Variants in DMD observed in about 807,000 individuals in gnomAD.
The protein encoded by DMD is dystrophin.
Under a neutral mutation model 330.1 loss-of-function variants are expected in DMD, and 63 were observed. The ratio of observed to expected loss-of-function variants is 0.19; its 90% CI spans 0.16 to 0.24. DMD has a LOEUF of 0.24. DMD is among the 10% of genes least tolerant of loss of function. The pLI is 1.00. For synonymous variants in DMD, 1,223 were observed against 959.8 expected (o/e 1.27, Z -5.07); for missense variants, 3,344 against 2,684.1 (o/e 1.25, Z -5.43).
chrX:33,118,196 C>T (rs933458777), intron 1 of DMD, among the ~76,000 whole-genome samples: 3 of 105,839 alleles, frequency 2.8e-5, no homozygotes, highest in African/African-American at 6.9e-5. Flanking sequence ...CTGCAAGCTC[C>T]GCCTCCCGGG....
intron 2 of DMD, among the ~76,000 whole-genome samples, chrX:32,870,367 A>T (rs1353151397): frequency 8.9e-6 from 1 of 111,865 alleles, no homozygotes; most frequent in Non-Finnish European, 1.9e-5. Context: ...TAATTTATAG[A>T]TTCAATGCTA....
intron 7 of DMD, among the ~76,000 whole-genome samples, chrX:32,737,141 G>C (rs765907745): frequency 1.8e-5 from 2 of 108,391 alleles, no homozygotes; most frequent in African/African-American, 6.7e-5. Flanking sequence ...AACAACAAAA[G>C]GGGGGGGACA....
intron 19 of DMD, among the ~76,000 whole-genome samples, chrX:32,499,429 G>A (rs2043821414): frequency 9.0e-6 from 1 of 111,048 alleles, no homozygotes; most frequent in African/African-American, 3.3e-5. Context: ...AATATGAGTG[G>A]TTTATACAAG....
At chrX:31,999,650 A>G (rs2095612192) in intron 44 of DMD, among the ~76,000 whole-genome samples, 1 of 111,983 alleles carries the variant, frequency 8.9e-6, no homozygotes, top group Non-Finnish European at 1.9e-5. Context: ...TTACTGCAAA[A>G]GGAAAGAATT....
chrX:31,736,557 T>A (rs551120709), intron 51 of DMD, among the ~76,000 whole-genome samples: 1 of 112,008 alleles, frequency 8.9e-6, no homozygotes, highest in Non-Finnish European at 1.9e-5. Flanking sequence ...AAACAACTAA[T>A]AATTTGTTTT....
intron 17 of DMD, among the ~76,000 whole-genome samples, chrX:32,518,905 TAATA>T (rs2046134325): frequency 9.3e-6 from 1 of 107,142 alleles, no homozygotes; most frequent in African/African-American, 3.4e-5. Context: ...TTAGGAGAAA[TAATA>T]AATAGGTGCT....
intron 21 of DMD, among the ~76,000 whole-genome samples, chrX:32,475,800 G>T (rs976883505): frequency 9.1e-6 from 1 of 110,394 alleles, no homozygotes; most frequent in Non-Finnish European, 1.9e-5. Flanking sequence ...GGTTTTGAAG[G>T]TAAATGATCA....
chrX:31,569,653 T>TATATACGC (rs1344127291), intron 55 of DMD, among the ~76,000 whole-genome samples: 4 of 71,949 alleles, frequency 5.6e-5, no homozygotes, highest in African/African-American at 2.0e-4. Flanking sequence ...TATATACGTA[T>TATATACGC]ATATACGTAT....
intron 53 of DMD, among the ~76,000 whole-genome samples, chrX:31,668,967 C>T (rs2081589167): frequency 8.9e-6 from 1 of 112,431 alleles, no homozygotes; most frequent in African/African-American, 3.2e-5. Flanking sequence ...GAATAATACT[C>T]CATTGTGTAT....
At chrX:33,063,708 A>T (rs1305162325) in intron 1 of DMD, among the ~76,000 whole-genome samples, 1 of 111,049 alleles carries the variant, frequency 9.0e-6, no homozygotes, top group Non-Finnish European at 1.9e-5. Flanking sequence ...ACTACACATC[A>T]GAACCACCTA....
In DMD at chrX:32,538,266, G is replaced by C. The variant is rs778538514; in HGVS notation, c.2168+6893C>G. On this transcript the variant is annotated intron_variant, in intron 17 of 78. Coordinates refer to ENST00000357033, the MANE Select transcript of DMD (RefSeq NM_004006.3). The stretch of plus-strand genomic sequence containing the variant: ...AATCACAAAAGAAGTGAAAATGCCC[G>C]GTTGCTGCCTTAACTGATGACATTC... Among the ~76,000 whole-genome samples the C allele has an allele frequency of 3.7e-3, 417 of 111,710 alleles. 4 individuals are homozygous for C. Among genetic ancestry groups the C allele is most frequent in the African/African-American group, 0.013 (397 of 30,738 alleles).
chrX:33,035,363 C>T (rs2094187414), intron 1 of DMD, among the ~76,000 whole-genome samples: 1 of 111,043 alleles, frequency 9.0e-6, no homozygotes, highest in African/African-American at 3.3e-5. Context: ...CTTATCTGGC[C>T]TAGGGAATAA....
chrX:33,051,646 A>AT (rs754035822), intron 1 of DMD, among the ~76,000 whole-genome samples: 1,015 of 71,899 alleles, frequency 0.014, 39 homozygotes, highest in East Asian at 0.051. Context: ...ATTACGCTCT[A>AT]TTTTTTTTTT....
Position 31,519,447 on chromosome X carries a change from C to G in DMD, c.8218-11994G>C, listed in dbSNP as rs193226704. The stretch of plus-strand genomic sequence containing the variant: ...TTTGATCATACACTAGAAATCACAA[C>G]AGCCATGTAGGTAATTCCCTCTGGC... On this transcript the variant is annotated intron_variant, in intron 55 of 78. Transcript: ENST00000357033. Among the ~76,000 whole-genome samples the G allele has an allele frequency of 2.5e-3, 285 of 112,273 alleles. 3 individuals carry two copies. Among genetic ancestry groups the G allele is most frequent in the Non-Finnish European group, 2.5e-3 (132 of 53,204 alleles).
chrX:32,743,841 G>T (rs1309701449), intron 7 of DMD, among the ~76,000 whole-genome samples: 1 of 111,186 alleles, frequency 9.0e-6, no homozygotes, highest in Non-Finnish European at 1.9e-5. Flanking sequence ...AGTGATGGGT[G>T]GTTAGTCTCT....
chrX:32,091,435 A>G (rs1159984189), intron 44 of DMD, among the ~76,000 whole-genome samples: 2 of 112,061 alleles, frequency 1.8e-5, no homozygotes. Flanking sequence ...CTCAACATCA[A>G]TAAATAATGG....
At chrX:31,690,933 G>A (rs975364086) in intron 52 of DMD, among the ~76,000 whole-genome samples, 7 of 109,996 alleles carry the variant, frequency 6.4e-5, no homozygotes, top group Admixed American at 1.9e-4. Context: ...ACACCTGGAC[G>A]CAGGAAGGGG....
intron 9 of DMD, among the ~76,000 whole-genome samples, chrX:32,687,593 A>G (rs2062976892): frequency 9.0e-6 from 1 of 110,980 alleles, no homozygotes; most frequent in Non-Finnish European, 1.9e-5. Context: ...CCACATATAC[A>G]TGTTCCAGCC....
chrX:31,190,807 A>G lies in DMD; in HGVS notation c.9808-7903T>C, dbSNP rs779286089. 7.2e-5 allele frequency among the ~76,000 whole-genome samples: 8 copies of G among 110,836 alleles called. No individual in the cohort carries two copies. The South Asian group carries it at 3.1e-3, about 43-fold the overall frequency. On this transcript the variant is annotated intron_variant, in intron 67 of 78. Coordinates refer to ENST00000357033, the MANE Select transcript of DMD (RefSeq NM_004006.3). ...TACATAACCATATGGTTCACTTGTC[A>G]AAACTAAGAAATCCACATTGATTCA...
Sources: gnomAD v4.1 joint callset for allele counts (sites outside exome capture counted in the v4.1 genomes callset) on GRCh38, gnomAD v4.1.1 for gene constraint, MANE v1.5 for transcripts, NCBI Gene and HGNC (gene_info 2026-07-23, HGNC 2026-07-21) for gene names.